The following KAT7 variants were observed in gnomAD, a reference collection of about 807,000 sequenced individuals.
KAT7 encodes lysine acetyltransferase 7.
A neutral mutation model predicts 82.1 loss-of-function variants in KAT7; 10 were observed. The observed-to-expected ratio is 0.12, with a 90% CI of 0.08 to 0.21. The LOEUF (loss-of-function observed/expected upper bound fraction) is 0.21. Ranked by LOEUF, KAT7 falls within the 10% of genes least tolerant of loss-of-function variation. The pLI is 1.00. For missense variants in KAT7, 378 were observed against 760.9 expected, an observed-to-expected ratio of 0.50 and a Z score of 5.92; for synonymous variants, 250 against 262.5, an observed-to-expected ratio of 0.95 and a Z score of 0.46.
chr17:49,794,281 A>G (rs1471984956), intron 2 of KAT7, among the ~76,000 whole-genome samples: 1 of 152,102 alleles, frequency 6.6e-6, no homozygotes, highest in Non-Finnish European at 1.5e-5. Context: ...TCCCACAATG[A>G]TGAAGTCTTT....
intron 12 of KAT7, chr17:49,824,871 A>T (rs1347575635): frequency 6.6e-6 from 1 of 152,166 alleles, no homozygotes; most frequent in Non-Finnish European, 1.5e-5. Context: ...TGTTTTACCT[A>T]CATTTTCACT....
At chr17:49,815,666 C>G (rs2143945743) in intron 7 of KAT7, 137 bp from the exon 8 acceptor site, 1 of 591,906 alleles carries the variant, frequency 1.7e-6, no homozygotes, top group East Asian at 2.7e-5. Flanking sequence ...GTCTTGTGCT[C>G]AATCCCTAGC....
intron 9 of KAT7, among the ~76,000 whole-genome samples, chr17:49,818,747 T>C (rs1430666569): frequency 6.6e-6 from 1 of 151,906 alleles, no homozygotes; most frequent in African/African-American, 2.4e-5. Context: ...TTCTTGTTTT[T>C]TTTTTTTTTG....
intron 8 of KAT7, among the ~76,000 whole-genome samples, chr17:49,816,194 C>T (rs1293696359): frequency 2.0e-5 from 3 of 152,106 alleles, no homozygotes; most frequent in Non-Finnish European, 2.9e-5. Context: ...CCATAGGCGC[C>T]CCTTTGTCTC....
intron 4 of KAT7, among the ~76,000 whole-genome samples, chr17:49,804,245 G>A (rs913263354): frequency 1.3e-5 from 2 of 152,030 alleles, no homozygotes; most frequent in Admixed American, 6.5e-5. Context: ...CGGGCGTGGC[G>A]GCAGGCGCCT....
intron 5 of KAT7, among the ~76,000 whole-genome samples, chr17:49,806,269 A>T (rs2074090459): frequency 6.6e-6 from 1 of 152,106 alleles, no homozygotes; most frequent in African/African-American, 2.4e-5. Context: ...GCTAACATTA[A>T]TTTTCCTTGA....
chr17:49,825,279 C>T (rs532233953), intron 12 of KAT7, among the ~76,000 whole-genome samples: 4 of 152,276 alleles, frequency 2.6e-5, no homozygotes, highest in African/African-American at 7.2e-5. Context: ...TTACACCCCG[C>T]ACTATCTCAT....
Position 49,811,458 on chromosome 17 carries a change from TCTC to T in KAT7, c.754-15_754-13del, listed in dbSNP as rs1229543158. 1 of 1,287,942 alleles carries T rather than the reference TCTC, an allele frequency of 7.8e-7. No individual in the cohort carries two copies. Among genetic ancestry groups the T allele is most frequent in the Non-Finnish European group, 1.1e-6 (1 of 924,226 alleles). The allele number at this position is 1,287,942 out of a possible 1,614,324, so 79.8% of individuals were successfully genotyped here. On this transcript the variant is annotated splice_polypyrimidine_tract_variant and intron_variant, in intron 6 of 14. Transcript: ENST00000259021. ...TTTATAAGGAGTTTTCTCTCAGTTTTCTCCTTTTTCCTTTTAGGCACCAACGGA... is the reference window on the plus strand; with the variant it reads ...TTTATAAGGAGTTTTCTCTCAGTTTTCTTTTTCCTTTTAGGCACCAACGGA...
intron 9 of KAT7, among the ~76,000 whole-genome samples, chr17:49,819,979 G>A (rs1008249571): frequency 3.3e-5 from 5 of 152,260 alleles, no homozygotes; most frequent in Admixed American, 3.3e-4. Flanking sequence ...CATGGGCCAG[G>A]TGCGGTGGCT....
chr17:49,805,442 C>T lies in KAT7; in HGVS notation c.660C>T (p.Cys220=). The T allele has an allele frequency of 6.2e-7, 1 of 1,606,132 alleles. No individual in the cohort carries two copies. The highest frequency in any genetic ancestry group is 8.5e-7 in the Non-Finnish European group (1 of 1,172,866). Residue 220 remains cysteine (C), a synonymous_variant, in exon 5 of 15, where the codon TGC becomes TGT. Transcript: ENST00000259021. ...ATCATAACCTCTCAGCTGACGAATG[C>T]AAGGTAATTGTGCTCTCATTTATTC... ...PLYHNLSADE[C]KVRAQSRDKQ... is the part of the protein sequence containing the mutation.
chr17:49,826,637 G>A, intron 13 of KAT7, 56 bp from the exon 14 acceptor site: 3 of 1,158,988 alleles, frequency 2.6e-6, no homozygotes, highest in East Asian at 2.3e-5. Flanking sequence ...TTGGTTGGGG[G>A]CAAAGGGGTG....
intron 2 of KAT7, among the ~76,000 whole-genome samples, chr17:49,796,173 A>G (rs1183200855): frequency 6.6e-6 from 1 of 152,200 alleles, no homozygotes; most frequent in African/African-American, 2.4e-5. Context: ...TTATGAATCT[A>G]TTATGACAGT....
In KAT7 at chr17:49,834,457, C is replaced by G. The variant is rs979110110; in HGVS notation, c.*6955C>G. 2 of 152,260 alleles carry G rather than the reference C, an allele frequency of 1.3e-5. No homozygotes were observed. The highest frequency in any genetic ancestry group is 4.8e-5 in the African/African-American group (2 of 41,466). 9.4% of individuals were successfully genotyped at this position (152,260 alleles called of 1,614,324 possible). ...GCTGCGCCCAACCTTCTTCTGCTGT[C>G]GAGATACTGCTCATCACCTGCCTGC... On this transcript the variant is annotated 3_prime_UTR_variant, in exon 15 of 15. Transcript: ENST00000259021.
At chr17:49,808,698 C>T (rs181187291) in intron 5 of KAT7, among the ~76,000 whole-genome samples, 27 of 152,062 alleles carry the variant, frequency 1.8e-4, no homozygotes, top group Admixed American at 7.2e-4. Flanking sequence ...CTAATCTGCC[C>T]GCCTCAGCCT....
intron 2 of KAT7, among the ~76,000 whole-genome samples, chr17:49,794,763 G>A (rs185248499): frequency 6.6e-5 from 10 of 152,368 alleles, no homozygotes; most frequent in Middle Eastern, 3.4e-3. Context: ...TAGGAAATGC[G>A]TAAGCACTGA....
Position 49,798,468 on chromosome 17 carries a change from A to G in KAT7, c.490A>G (p.Ser164Gly). 2 of 1,614,234 alleles carry G rather than the reference A, an allele frequency of 1.2e-6. No individual in the cohort carries two copies. The highest frequency in any genetic ancestry group is 1.7e-6 in the Non-Finnish European group (2 of 1,180,024). Residue 164 changes from serine to glycine, a missense_variant, in exon 4 of 15, where the codon AGT becomes GGT. Ser to Gly is a moderately conservative substitution (Grantham distance 56, BLOSUM62 0). This residue lies in a region of KAT7 where 161 missense variants were observed against 229.6 expected (regional missense o/e 0.70). Coordinates refer to ENST00000259021, the MANE Select transcript of KAT7 (RefSeq NM_007067.5). The stretch of plus-strand genomic sequence containing the variant: ...GGACATGTCCCTGAAGGACTCAGGC[A>G]GTGATCTCTCTCATCGCCCCAAGCG... ...AKDMSLKDSG[S>G]DLSHRPKRRR... is the part of the protein sequence containing the mutation.
At chr17:49,826,657 A>T in intron 13 of KAT7, 36 bp from the exon 14 acceptor site, 1 of 1,451,050 alleles carries the variant, frequency 6.9e-7, no homozygotes. Flanking sequence ...GGGAACCTGC[A>T]CTTTGGCCAG....
At chr17:49,820,639 C>G (rs1225134219) in intron 9 of KAT7, among the ~76,000 whole-genome samples, 1 of 151,948 alleles carries the variant, frequency 6.6e-6, no homozygotes, top group East Asian at 1.9e-4. Context: ...GGCTGGCTGG[C>G]TGGCTGCATT....
At chr17:49,791,759 C>A in intron 1 of KAT7, 127 bp from the exon 2 acceptor site, 1 of 873,786 alleles carries the variant, frequency 1.1e-6, no homozygotes, top group Non-Finnish European at 1.8e-6. Context: ...ATGAGAAATG[C>A]TTGTGGAATC....
Sources: gnomAD v4.1 joint callset for allele counts (sites outside exome capture counted in the v4.1 genomes callset) on GRCh38, gnomAD v4.1.1 for gene constraint, gnomAD v4.1.1 regional missense constraint, MANE v1.5 for transcripts, NCBI Gene and HGNC (gene_info 2026-07-23, HGNC 2026-07-21) for gene names.